The following GBF1 variants were observed in gnomAD, a reference collection of about 807,000 sequenced individuals.
The protein encoded by GBF1 is golgi brefeldin A resistant guanine nucleotide exchange factor 1, also known as Golgi-specific brefeldin A-resistance guanine nucleotide exchange factor 1.
Under a neutral mutation model 210.5 loss-of-function variants are expected in GBF1, and 114 were observed. The ratio of observed to expected loss-of-function variants is 0.54; its 90% CI spans 0.47 to 0.63. The LOEUF is 0.63. GBF1 is among the 30% of genes least tolerant of loss of function. GBF1 has a pLI of 0.00. For missense variants in GBF1, 1,851 were observed against 2,357.7 expected (o/e 0.79, Z 4.45); for synonymous variants, 850 against 889.2 (o/e 0.96, Z 0.78).
In GBF1 at chr10:102,358,494, T is replaced by G. The variant is rs770326659; in HGVS notation, c.788-12T>G. 1.9e-6 allele frequency: 3 copies of G among 1,595,014 alleles called. No individual in the cohort carries two copies. The Admixed American group carries it at 5.0e-5, about 27-fold the overall frequency. ...TTCTTCTCCTTCAAGCGTCACATACTTTTCTTGGCAGGTGGCATGCCCTTC... is the reference window on the plus strand; with the variant it reads ...TTCTTCTCCTTCAAGCGTCACATACGTTTCTTGGCAGGTGGCATGCCCTTC... On this transcript the variant is annotated splice_polypyrimidine_tract_variant and intron_variant, in intron 9 of 39. Transcript: ENST00000369983.
chr10:102,344,013 T>TAATGA (rs2058368494), intron 3 of GBF1, 38 bp from the exon 4 acceptor site: 4 of 1,593,244 alleles, frequency 2.5e-6, no homozygotes, highest in Non-Finnish European at 3.4e-6. Context: ...AGTTTTCTCT[T>TAATGA]AGATGATACC....
At chr10:102,292,039 A>G (rs1490184776) in intron 3 of GBF1, among the ~76,000 whole-genome samples, 1 of 151,132 alleles carries the variant, frequency 6.6e-6, no homozygotes, top group Non-Finnish European at 1.5e-5. Context: ...ACAGGCGCCC[A>G]CCACCACGCC....
At chr10:102,235,182 C>G in the GBF1 span, among the ~76,000 whole-genome samples, 13 of 132,186 alleles carry the variant, frequency 9.8e-5, no homozygotes, top group East Asian at 2.4e-4. Context: ...ACCCCCCACC[C>G]CCCCACCGCC....
chr10:102,381,372 C>A, intron 39 of GBF1, 117 bp downstream of exon 39: 1 of 1,004,874 alleles, frequency 1.0e-6, no homozygotes, highest in Non-Finnish European at 1.5e-6. Flanking sequence ...GGGAAGAAGG[C>A]CACTAGAGAG....
At chr10:102,254,687 AG>A (rs1229064492) in intron 1 of GBF1, among the ~76,000 whole-genome samples, 3 of 152,128 alleles carry the variant, frequency 2.0e-5, no homozygotes, top group African/African-American at 7.2e-5. Flanking sequence ...TATCTGGCTA[AG>A]GGTGTTAGTT....
chr10:102,368,637 C>A, intron 22 of GBF1, 102 bp from the exon 23 acceptor site: 1 of 904,504 alleles, frequency 1.1e-6, no homozygotes, highest in Non-Finnish European at 1.8e-6. Context: ...AAGGTTTCTT[C>A]CTGGGACTGA....
intron 1 of GBF1, among the ~76,000 whole-genome samples, chr10:102,257,284 T>C (rs1192595103): frequency 2.0e-5 from 3 of 152,176 alleles, no homozygotes; most frequent in Non-Finnish European, 4.4e-5. Context: ...ACTGGGCAGA[T>C]TGGATGCAGT....
In GBF1 at chr10:102,382,874, T is replaced by TAATA. The variant is rs1490076702; in HGVS notation, c.*542_*545dup. On this transcript the variant is annotated 3_prime_UTR_variant, in exon 40 of 40. Transcript: ENST00000369983. The stretch of plus-strand genomic sequence containing the variant: ...GAACAACAGTGGACTTTTTATGATA[T>TAATA]AATAAATGTCTTAGTACCAGCATCA... 5 of 153,290 alleles carry TAATA rather than the reference T, an allele frequency of 3.3e-5. No homozygotes were observed. The highest frequency in any genetic ancestry group is 5.8e-5 in the Non-Finnish European group (4 of 68,598). The allele number at this position is 153,290 out of a possible 1,614,324, so 9.5% of individuals were successfully genotyped here. A position where few individuals can be genotyped will look rare whatever the true frequency, so the allele number is the denominator to read the frequency against.
intron 3 of GBF1, among the ~76,000 whole-genome samples, chr10:102,296,969 C>T (rs932715341): frequency 1.3e-5 from 2 of 151,334 alleles, no homozygotes; most frequent in African/African-American, 2.4e-5. Context: ...CGTTTGAACC[C>T]GGGAGGCAGA....
intron 3 of GBF1, among the ~76,000 whole-genome samples, chr10:102,300,887 GT>G (rs1349889356): frequency 6.6e-6 from 1 of 151,644 alleles, no homozygotes; most frequent in African/African-American, 2.4e-5. Flanking sequence ...TTTTATTTTG[GT>G]TTTGTGTTTT....
chr10:102,322,718 CAAAAAAAAAAA>C (rs61470777), intron 3 of GBF1, among the ~76,000 whole-genome samples: 5 of 80,472 alleles, frequency 6.2e-5, no homozygotes, highest in Non-Finnish European at 1.1e-4. Context: ...CTCATCTCTA[CAAAAAAAAAAA>C]AAAAAAAAAA....
At position 102,370,392 on chromosome 10, in the gene GBF1, C is replaced by G. The variant is rs756770141; in HGVS notation, c.3420C>G (p.Val1140=). 3 of 1,604,406 alleles carry G rather than the reference C, an allele frequency of 1.9e-6. No homozygotes were observed. Among genetic ancestry groups the G allele is most frequent in the Admixed American group, 1.7e-5 (1 of 60,014 alleles). ...ESLQELMKAL[V]SVTPDEETYD... The stretch of plus-strand genomic sequence containing the variant: ...CTGCTGTTCCCCTTCAGGCTCTGGT[C>G]TCAGTGACACCAGATGAAGAGACAT... The change falls in exon 28 of 40, where the codon GTC becomes GTG. Residue 1140 remains valine, a synonymous_variant. Transcript: ENST00000369983.
chr10:102,328,709 G>A (rs2057097283), intron 3 of GBF1, among the ~76,000 whole-genome samples: 1 of 152,116 alleles, frequency 6.6e-6, no homozygotes, highest in South Asian at 2.1e-4. Context: ...TCTTCTCCAG[G>A]AGCTTTGACT....
intron 14 of GBF1, 75 bp from the exon 15 acceptor site, chr10:102,362,400 T>C (rs2059669624): frequency 8.9e-7 from 1 of 1,129,304 alleles, no homozygotes; most frequent in Non-Finnish European, 1.3e-6. Flanking sequence ...GAAGAAGTTT[T>C]GGAAATTTTA....
intron 5 of GBF1, among the ~76,000 whole-genome samples, 163 bp from the exon 6 acceptor site, chr10:102,351,680 G>A (rs1333231016): frequency 2.6e-5 from 4 of 152,182 alleles, no homozygotes; most frequent in African/African-American, 4.8e-5. Flanking sequence ...TCTGAAATAT[G>A]TCAGGGTCAT....
chr10:102,296,731 A>T (rs1000327023), intron 3 of GBF1, among the ~76,000 whole-genome samples: 5 of 146,518 alleles, frequency 3.4e-5, no homozygotes, highest in Non-Finnish European at 7.5e-5. Context: ...ACAGAGTGAG[A>T]CTCTGTCTCA....
At chr10:102,270,313 G>A (rs766036086) in intron 3 of GBF1, among the ~76,000 whole-genome samples, 2 of 151,898 alleles carry the variant, frequency 1.3e-5, no homozygotes, top group African/African-American at 2.4e-5. Context: ...GGGATTACAG[G>A]CACGGGCCAC....
At chr10:102,244,307 T>A (rs2070648336), upstream of GBF1, among the ~76,000 whole-genome samples, 1 of 151,606 alleles carries the variant, frequency 6.6e-6, no homozygotes, top group South Asian at 2.1e-4. Context: ...GAATTAGGTA[T>A]TTTTTTTTCA....
Position 102,379,549 on chromosome 10 carries a change from G to A in GBF1, c.4674G>A (p.Arg1558=). The A allele has an allele frequency of 6.2e-7, 1 of 1,614,156 alleles. No individual in the cohort carries two copies. The highest frequency in any genetic ancestry group is 8.5e-7 in the Non-Finnish European group (1 of 1,180,026). ...QGIACLCCDA[R]RQVRMQALTY... ...TTGCCTGCCTGTGCTGCGATGCCCG[G>A]CGCCAGGTACGGATGCAGGCACTGA... Residue 1558 remains arginine, a synonymous_variant, in exon 35 of 40, where the codon CGG becomes CGA. Transcript: ENST00000369983.
Sources: allele counts gnomAD v4.1 joint callset (sites outside exome capture counted in the v4.1 genomes callset), GRCh38; gene constraint gnomAD v4.1.1; transcripts MANE v1.5; gene names NCBI Gene and HGNC (gene_info 2026-07-23, HGNC 2026-07-21).